The following PLCB1 variants were observed in gnomAD, a reference collection of about 807,000 sequenced individuals.
PLCB1 encodes phospholipase C beta 1.
Under a neutral mutation model 161.8 loss-of-function variants are expected in PLCB1, and 46 were observed. That is an observed-to-expected ratio of 0.28 (90% CI 0.22 to 0.36). The LOEUF is 0.36. PLCB1 is among the 10% of genes least tolerant of loss of function. PLCB1 has a pLI of 1.00. For synonymous variants in PLCB1, 517 were observed against 503.7 expected (o/e 1.03, Z -0.35); for missense variants, 1,016 against 1,472.5 (o/e 0.69, Z 5.07).
At chr20:8,472,045 T>A (rs560881592) in intron 3 of PLCB1, among the ~76,000 whole-genome samples, 1 of 152,330 alleles carries the variant, frequency 6.6e-6, no homozygotes, top group Non-Finnish European at 1.5e-5. Context: ...GTATGCAAAA[T>A]TTTTAAACTA....
chr20:8,153,309 T>G (rs575688454), intron 2 of PLCB1, among the ~76,000 whole-genome samples: 1 of 152,280 alleles, frequency 6.6e-6, no homozygotes, highest in African/African-American at 2.4e-5. Context: ...TAAATCTTAT[T>G]GAATAAAATG....
intron 2 of PLCB1, among the ~76,000 whole-genome samples, chr20:8,343,017 G>A (rs114583089): frequency 0.014 from 2,058 of 152,302 alleles, 38 homozygotes; most frequent in African/African-American, 0.045. Context: ...TGAGGGAGAA[G>A]CTGTTCACTA....
chr20:8,707,013 A>G (rs1193873777), intron 11 of PLCB1, among the ~76,000 whole-genome samples: 3 of 152,204 alleles, frequency 2.0e-5, no homozygotes, highest in African/African-American at 7.2e-5. Context: ...CCTATACTCA[A>G]ATAAATCAAA....
chr20:8,821,505 A>G (rs1311367843), intron 31 of PLCB1, among the ~76,000 whole-genome samples: 1 of 3,216 alleles, frequency 3.1e-4, no homozygotes, highest in African/African-American at 1.9e-3. Context: ...AAATATGTAT[A>G]TATATATATA....
At chr20:8,543,503 T>C (rs1437274269) in intron 3 of PLCB1, among the ~76,000 whole-genome samples, 2 of 151,958 alleles carry the variant, frequency 1.3e-5, no homozygotes, top group Admixed American at 1.3e-4. Context: ...GTAATAGAAA[T>C]ATTCTGTACC....
At chr20:8,144,514 A>G (rs1273026121) in intron 1 of PLCB1, among the ~76,000 whole-genome samples, 2 of 151,946 alleles carry the variant, frequency 1.3e-5, no homozygotes, top group Admixed American at 1.3e-4. Flanking sequence ...GCTTTTCTTT[A>G]TTTTGGGAAA....
chr20:8,605,542 A>AT (rs754084042), intron 3 of PLCB1, among the ~76,000 whole-genome samples: 1 of 148,932 alleles, frequency 6.7e-6, no homozygotes, highest in Non-Finnish European at 1.5e-5. Context: ...TCTTTGTCAA[A>AT]TTGTTCTTCC....
intron 2 of PLCB1, among the ~76,000 whole-genome samples, chr20:8,311,109 TTTG>T (rs1304188244): frequency 2.0e-5 from 3 of 152,316 alleles, no homozygotes; most frequent in African/African-American, 7.2e-5. Context: ...TGGTCTATAT[TTTG>T]TTAGGAGTTT....
chr20:8,722,383 G>T lies in PLCB1; in HGVS notation c.1543G>T (p.Asp515Tyr). 2 of 1,606,754 alleles carry T rather than the reference G, an allele frequency of 1.2e-6. No individual in the cohort carries two copies. The highest frequency in any genetic ancestry group is 1.7e-4 in the Middle Eastern group (1 of 6,040). Residue 515 changes from aspartate (D) to tyrosine (Y), a missense_variant, in exon 15 of 32, where the codon GAT (aspartate) becomes TAT (tyrosine). Around this residue, in one of 10 missense-constraint regions of PLCB1, gnomAD observed 109 missense variants for 129.7 expected, o/e 0.84. Transcript: ENST00000338037. ...GEADTESDDDDDDDDCKKSSM... is the reference protein window; with the variant it reads ...GEADTESDDDYDDDDCKKSSM... ...AGCTGATACGGAAAGTGACGACGAC[G>T]ATGATGATGATGACTGTAAAAAATC...
At chr20:8,243,235 G>C (rs1388305252) in intron 2 of PLCB1, among the ~76,000 whole-genome samples, 1 of 152,016 alleles carries the variant, frequency 6.6e-6, no homozygotes, top group Non-Finnish European at 1.5e-5. Context: ...CTGTGGATAA[G>C]ACTGATTCTG....
At chr20:8,183,179 G>A (rs2051865329) in intron 2 of PLCB1, among the ~76,000 whole-genome samples, 1 of 152,150 alleles carries the variant, frequency 6.6e-6, no homozygotes, top group South Asian at 2.1e-4. Flanking sequence ...CTTCATCCTT[G>A]TAGAGAAGGA....
In PLCB1 at chr20:8,864,883, C is replaced by T. The variant is rs558991941; in HGVS notation, c.3424-16739C>T. Among the ~76,000 whole-genome samples the T allele has an allele frequency of 1.0e-3, 154 of 152,266 alleles. 1 individual carries two copies. The highest frequency in any genetic ancestry group is 1.6e-3 in the Admixed American group (25 of 15,286). ...TCCTAGGTTGAGTGTTCTGAAGAAA[C>T]CCCCAAGTTTTGGGAAGCAGCGCCA... On this transcript the variant is annotated intron_variant, in intron 31 of 31. Coordinates refer to ENST00000338037, the MANE Select transcript of PLCB1 (RefSeq NM_015192.4).
At chr20:8,644,302 A>G (rs1320404648) in intron 4 of PLCB1, among the ~76,000 whole-genome samples, 26 of 146,528 alleles carry the variant, frequency 1.8e-4, no homozygotes, top group African/African-American at 5.1e-4. Context: ...CCCAGTCTGG[A>G]AAGTGAGGAG....
At chr20:8,695,743 T>A (rs914976538) in intron 10 of PLCB1, among the ~76,000 whole-genome samples, 4 of 152,286 alleles carry the variant, frequency 2.6e-5, no homozygotes, top group Non-Finnish European at 5.9e-5. Flanking sequence ...TTATAGAATA[T>A]AAATCAAAGA....
intron 3 of PLCB1, among the ~76,000 whole-genome samples, chr20:8,509,755 TAGATAG>T: frequency 6.6e-6 from 1 of 151,804 alleles, no homozygotes; most frequent in Non-Finnish European, 1.5e-5. Flanking sequence ...GATAGATAGA[TAGATAG>T]ATAGATAGAT....
intron 7 of PLCB1, among the ~76,000 whole-genome samples, chr20:8,650,277 G>C (rs1381030654): frequency 6.6e-6 from 1 of 151,918 alleles, no homozygotes; most frequent in African/African-American, 2.4e-5. Context: ...CTAAAACAGG[G>C]GGAGCGGAAG....
chr20:8,705,061 C>G (rs1371372983), intron 11 of PLCB1, among the ~76,000 whole-genome samples: 1 of 143,536 alleles, frequency 7.0e-6, no homozygotes, highest in Admixed American at 7.3e-5. Context: ...GGCTGCTTAA[C>G]TCGGTCTACC....
chr20:8,680,168 C>T (rs1990179742), intron 9 of PLCB1, among the ~76,000 whole-genome samples: 1 of 151,920 alleles, frequency 6.6e-6, no homozygotes, highest in African/African-American at 2.4e-5. Context: ...CTCAGTGGAC[C>T]AGAGTGGATC....
chr20:8,668,046 C>T (rs1043362881), intron 9 of PLCB1, among the ~76,000 whole-genome samples: 2 of 151,862 alleles, frequency 1.3e-5, no homozygotes, highest in African/African-American at 4.8e-5. Flanking sequence ...GGAGAGAGGC[C>T]ACAGGCGTTT....
Sources: allele counts gnomAD v4.1 joint callset (sites outside exome capture counted in the v4.1 genomes callset), GRCh38; gene constraint gnomAD v4.1.1; regional missense constraint gnomAD v4.1.1; transcripts MANE v1.5; gene names NCBI Gene and HGNC (gene_info 2026-07-23, HGNC 2026-07-21).